ARHGAP21: variants seen among roughly 807,000 people sequenced by gnomAD.
ARHGAP21 encodes the protein Rho GTPase activating protein 21, also known as rho GTPase-activating protein 21.
A neutral mutation model predicts 164.6 loss-of-function variants in ARHGAP21; 38 were observed. That is an observed-to-expected ratio of 0.23 (90% confidence interval 0.18 to 0.30). The LOEUF is 0.30. Ranked by LOEUF, ARHGAP21 falls within the 10% of genes least tolerant of loss-of-function variation. The pLI is 1.00. For synonymous variants in ARHGAP21, 766 were observed against 857.9 expected, an observed-to-expected ratio of 0.89 and a Z score of 1.87; for missense variants, 1,822 against 2,370.7, an observed-to-expected ratio of 0.77 and a Z score of 4.81.
At chr10:24,720,800 AG>A (rs1409092234) in intron 2 of ARHGAP21, among the ~76,000 whole-genome samples, 2 of 152,202 alleles carry the variant, frequency 1.3e-5, no homozygotes, top group East Asian at 1.9e-4. Context: ...ACAGTGAATG[AG>A]GGTTCATTTG....
chr10:24,703,999 C>A (rs1039598828), intron 2 of ARHGAP21, among the ~76,000 whole-genome samples: 2 of 152,192 alleles, frequency 1.3e-5, no homozygotes, highest in Non-Finnish European at 2.9e-5. Context: ...GACACGTTAA[C>A]ATGAAAATTC....
intron 4 of ARHGAP21, among the ~76,000 whole-genome samples, chr10:24,636,647 T>C (rs559173092): frequency 6.6e-6 from 1 of 152,330 alleles, no homozygotes; most frequent in Non-Finnish European, 1.5e-5. Context: ...TAAAGGAAGT[T>C]ACTTAATAAA....
Position 24,585,755 on chromosome 10 carries a change from T to G in ARHGAP21, c.4534A>C (p.Asn1512His), listed in dbSNP as rs1564944783. 6.2e-7 allele frequency: 1 copy of G among 1,613,916 alleles called. No homozygotes were observed. The highest frequency in any genetic ancestry group is 2.2e-5 in the East Asian group (1 of 44,870). ...EPSPPHNSKHNKSPTLSCRFA... is the reference protein window; with the variant it reads ...EPSPPHNSKHHKSPTLSCRFA... Reference sequence around the variant, plus strand: ...CGACAGCTGAGAGTTGGTGACTTGTTGTGTTTTGAGTTGTGTGGTGGTGAG... The same window carrying G: ...CGACAGCTGAGAGTTGGTGACTTGTGGTGTTTTGAGTTGTGTGGTGGTGAG... Residue 1512 changes from asparagine (N) to histidine (H), a missense_variant, in exon 26 of 26, where the codon AAC (asparagine) becomes CAC (histidine). Coordinates refer to ENST00000396432, the MANE Select transcript of ARHGAP21 (RefSeq NM_020824.4).
chr10:24,663,395 G>A (rs1370577766), intron 4 of ARHGAP21, among the ~76,000 whole-genome samples: 2 of 152,066 alleles, frequency 1.3e-5, no homozygotes, highest in South Asian at 2.1e-4. Context: ...TCTTCTAAAC[G>A]GTTTGAATGT....
In ARHGAP21 at chr10:24,648,934, C is replaced by A. The variant is rs1837881594; in HGVS notation, c.269-13831G>T. The A allele has an allele frequency of 2.2e-5, 19 of 852,152 alleles. No individual in the cohort carries two copies. The South Asian group carries it at 9.7e-4, about 44-fold the overall frequency. The allele number at this position is 852,152 out of a possible 1,614,324, so 52.8% of individuals were successfully genotyped here. On this transcript the variant is annotated intron_variant, in intron 4 of 25. Coordinates refer to ENST00000396432, the MANE Select transcript of ARHGAP21 (RefSeq NM_020824.4). ...TCCTTTCCCATATTTTCCCACCTGT[C>A]CACTAGAGAAAAACAAAATAAATAT...
chr10:24,592,728 C>T (rs1414794985), intron 21 of ARHGAP21, among the ~76,000 whole-genome samples: 2 of 151,272 alleles, frequency 1.3e-5, no homozygotes, highest in African/African-American at 2.4e-5. Context: ...AGAGTAAGAT[C>T]CTGTTTGAAG....
At chr10:24,630,187 A>G in intron 6 of ARHGAP21, 137 bp from the exon 7 acceptor site, 1 of 478,582 alleles carries the variant, frequency 2.1e-6, no homozygotes, top group Non-Finnish European at 3.6e-6. Flanking sequence ...TAATTTTTAA[A>G]ATCAAATCAT....
intron 8 of ARHGAP21, 29 bp downstream of exon 8, chr10:24,622,700 AAAGC>A (rs1834701164): frequency 6.3e-7 from 1 of 1,597,172 alleles, no homozygotes; most frequent in African/African-American, 1.3e-5. Flanking sequence ...CATGACTTAA[AAAGC>A]AAGGAAATGG....
At chr10:24,642,154 C>T (rs1462270152) in intron 4 of ARHGAP21, among the ~76,000 whole-genome samples, 1 of 152,002 alleles carries the variant, frequency 6.6e-6, no homozygotes, top group Admixed American at 6.6e-5. Flanking sequence ...AATGCAAATC[C>T]CAGATATCAT....
rs770992336 is a variant in ARHGAP21 at position 24,619,819 on chromosome 10, A to G, written c.2076T>C (p.Pro692=). 2 of 1,614,176 alleles carry G rather than the reference A, an allele frequency of 1.2e-6. No individual in the cohort carries two copies. The highest frequency in any genetic ancestry group is 1.7e-5 in the Admixed American group (1 of 60,014). The change falls in exon 9 of 26, where the codon CCT becomes CCC. Residue 692 remains proline (P), a synonymous_variant. Transcript: ENST00000396432. ...SPSLSGASAK[P]APQSSENAGT... ...CAGCGTTTTCACTCGACTGAGGGGC[A>G]GGCTTGGCAGAGGCTCCAGATAAAG...
intron 4 of ARHGAP21, 27 bp from the exon 5 acceptor site, chr10:24,635,130 T>C: frequency 6.8e-7 from 1 of 1,467,624 alleles, no homozygotes; most frequent in South Asian, 1.3e-5. Context: ...CAAAGCATGA[T>C]TTTACTTCAC....
intron 8 of ARHGAP21, 92 bp from the exon 9 acceptor site, chr10:24,621,461 C>T: frequency 2.5e-6 from 3 of 1,182,358 alleles, no homozygotes; most frequent in Non-Finnish European, 3.5e-6. Context: ...CTATGTCCTA[C>T]CTCGTTCCTG....
intron 9 of ARHGAP21, among the ~76,000 whole-genome samples, chr10:24,612,960 G>A (rs894168748): frequency 1.3e-5 from 2 of 152,030 alleles, no homozygotes; most frequent in Non-Finnish European, 1.5e-5. Context: ...GGAGGTGAAC[G>A]GCTAAAGTTA....
intron 2 of ARHGAP21, among the ~76,000 whole-genome samples, chr10:24,701,201 T>C (rs1843640707): frequency 6.6e-6 from 1 of 152,084 alleles, no homozygotes; most frequent in African/African-American, 2.4e-5. Flanking sequence ...AAATGCTCTA[T>C]GCAGCCTCTC....
At chr10:24,599,940 T>C (rs2076742148) in intron 14 of ARHGAP21, among the ~76,000 whole-genome samples, 1 of 152,078 alleles carries the variant, frequency 6.6e-6, no homozygotes, top group South Asian at 2.1e-4. Flanking sequence ...GAGACCATCC[T>C]GGCTAACACG....
chr10:24,689,871 T>C (rs1565168868), intron 2 of ARHGAP21, among the ~76,000 whole-genome samples: 2 of 147,958 alleles, frequency 1.4e-5, no homozygotes, highest in African/African-American at 2.5e-5. Flanking sequence ...TATGTGTATA[T>C]ATACATGTAT....
At chr10:24,628,816 C>CAT (rs369980606) in intron 7 of ARHGAP21, among the ~76,000 whole-genome samples, 41,303 of 110,170 alleles carry the variant, frequency 0.37, 6,320 homozygotes, top group Non-Finnish European at 0.38. Context: ...CATATATATA[C>CAT]ATATACACAC....
At chr10:24,587,133 C>G (rs1408502896) in intron 25 of ARHGAP21, among the ~76,000 whole-genome samples, 1 of 152,058 alleles carries the variant, frequency 6.6e-6, no homozygotes, top group Non-Finnish European at 1.5e-5. Flanking sequence ...AAGTTATTTG[C>G]TATGTATAAT....
At chr10:24,618,443 A>AG (rs1194874630) in intron 9 of ARHGAP21, among the ~76,000 whole-genome samples, 1 of 152,206 alleles carries the variant, frequency 6.6e-6, no homozygotes, top group Non-Finnish European at 1.5e-5. Flanking sequence ...AAAAAGCTTA[A>AG]GGGAAGAGAA....
Sources: allele counts gnomAD v4.1 joint callset (sites outside exome capture counted in the v4.1 genomes callset), GRCh38; gene constraint gnomAD v4.1.1; transcripts MANE v1.5; gene names NCBI Gene and HGNC (gene_info 2026-07-23, HGNC 2026-07-21).